MAGED1: variants seen among roughly 807,000 people sequenced by gnomAD.
The protein encoded by MAGED1 is melanoma-associated antigen D1.
A neutral mutation model predicts 54.1 loss-of-function variants in MAGED1; 3 were observed. The observed-to-expected ratio is 0.06, with a 90% CI of 0.03 to 0.14. The LOEUF (loss-of-function observed/expected upper bound fraction) is 0.14. MAGED1 is among the 10% of genes least tolerant of loss of function. The pLI, the probability that MAGED1 is intolerant of heterozygous loss-of-function variation, is 1.00. For synonymous variants in MAGED1, 217 were observed against 227.3 expected (o/e 0.95, Z 0.41); for missense variants, 485 against 623.4 (o/e 0.78, Z 2.36).
At chrX:51,850,876 G>C (rs1180164600) in intron 1 of MAGED1, among the ~76,000 whole-genome samples, 1 of 110,935 alleles carries the variant, frequency 9.0e-6, no homozygotes, top group African/African-American at 3.3e-5. Flanking sequence ...CTCCAGCCTG[G>C]GCGACAAGAG....
At position 51,896,646 on chromosome X, in the gene MAGED1, GCCTGGCAGAACCCAGTCGCTTGGCAGAAC is replaced by G; in HGVS notation, c.994_1022del (p.Trp332SerfsTer62). 1 of 1,212,247 alleles carries G rather than the reference GCCTGGCAGAACCCAGTCGCTTGGCAGAAC, an allele frequency of 8.2e-7. No individual in the cohort carries two copies. Among genetic ancestry groups the G allele is most frequent in the Non-Finnish European group, 1.1e-6 (1 of 895,612 alleles). On this transcript the variant is annotated frameshift_variant, in exon 4 of 13. Transcript: ENST00000326587. LOFTEE classifies it high-confidence loss of function. The stretch of plus-strand genomic sequence containing the variant: ...CCCTCCAGCTAGGCAGACCCCACCA[GCCTGGCAGAACCCAGTCGCTTGGCAGAAC>G]CCAGTGATTTGGCCAAACCCAGTAA...
chrX:51,881,121 C>T (rs1463589669), intron 1 of MAGED1, among the ~76,000 whole-genome samples: 1 of 111,411 alleles, frequency 9.0e-6, no homozygotes, highest in Admixed American at 9.5e-5. Flanking sequence ...TTGCAGATAG[C>T]CATCTTCTCG....
At chrX:51,811,532 A>T (rs1925219490) in intron 1 of MAGED1, among the ~76,000 whole-genome samples, 1 of 111,433 alleles carries the variant, frequency 9.0e-6, no homozygotes, top group Non-Finnish European at 1.9e-5. Flanking sequence ...ACCACATCTC[A>T]TATGTGGCCA....
At chrX:51,900,128 T>C in intron 10 of MAGED1, 54 bp from the exon 11 acceptor site, 2 of 747,775 alleles carry the variant, frequency 2.7e-6, no homozygotes, top group South Asian at 2.2e-5. Flanking sequence ...TTTTCATTAG[T>C]GGACTACCAT....
intron 1 of MAGED1, among the ~76,000 whole-genome samples, chrX:51,864,673 C>A (rs1033935539): frequency 5.4e-5 from 6 of 111,102 alleles, no homozygotes; most frequent in African/African-American, 2.0e-4. Context: ...CTTTTACCTC[C>A]TTGGTTAAAT....
At chrX:51,859,391 G>A (rs1488722529) in intron 1 of MAGED1, among the ~76,000 whole-genome samples, 1 of 110,948 alleles carries the variant, frequency 9.0e-6, no homozygotes, top group African/African-American at 3.3e-5. Context: ...TGGCTTATAT[G>A]GTACCTTTGT....
chrX:51,836,309 A>G (rs1926247258), intron 1 of MAGED1, among the ~76,000 whole-genome samples: 1 of 109,992 alleles, frequency 9.1e-6, no homozygotes. Flanking sequence ...ATATTTTTAT[A>G]TAACTAAAAA....
chrX:51,821,897 A>T (rs1205065912), intron 1 of MAGED1, among the ~76,000 whole-genome samples: 1 of 111,765 alleles, frequency 8.9e-6, no homozygotes, highest in Non-Finnish European at 1.9e-5. Context: ...ACTGCTTTTC[A>T]TATATTTATC....
rs782610141 is a variant in MAGED1 at position 51,858,722 on chromosome X, A to G, written c.-36-35547A>G. 1.5e-4 allele frequency among the ~76,000 whole-genome samples: 17 copies of G among 111,323 alleles called. No individual in the cohort carries two copies. The East Asian group carries it at 4.6e-3, about 30-fold the overall frequency. ...GATGTGGTGAGAGCTTCAGGAACAG[A>G]GTCAGGTCATTCTAGGAATTATAAC... On this transcript the variant is annotated intron_variant, in intron 1 of 12. Coordinates refer to the MAGED1 transcript ENST00000375772.
At chrX:51,828,122 T>C (rs1298629793) in intron 1 of MAGED1, among the ~76,000 whole-genome samples, 1 of 112,101 alleles carries the variant, frequency 8.9e-6, no homozygotes, top group Admixed American at 9.4e-5. Flanking sequence ...ATCTCTCTCT[T>C]TGCATATCAT....
At chrX:51,858,047 A>T (rs782128409) in intron 1 of MAGED1, 1 of 112,651 alleles carries the variant, frequency 8.9e-6, no homozygotes, top group South Asian at 3.7e-4. Flanking sequence ...GTAAAAATGA[A>T]AAAAAGATTC....
chrX:51,870,629 G>A (rs1458946468), intron 1 of MAGED1: 1 of 112,328 alleles, frequency 8.9e-6, no homozygotes, highest in Non-Finnish European at 1.9e-5. Context: ...TTGATATGTA[G>A]AAGGGTAATA....
intron 1 of MAGED1, among the ~76,000 whole-genome samples, chrX:51,864,272 C>A (rs150309540): frequency 2.2e-3 from 243 of 109,445 alleles, no homozygotes; most frequent in African/African-American, 7.7e-3. Context: ...TTTCCAACAC[C>A]ATTTGTTGAA....
intron 10 of MAGED1, chrX:51,899,396 C>T (rs1335222085): frequency 1.8e-5 from 2 of 110,904 alleles, no homozygotes; most frequent in African/African-American, 6.6e-5. Flanking sequence ...GCCTTGGCCT[C>T]CAGAAGTGCT....
intron 1 of MAGED1, among the ~76,000 whole-genome samples, chrX:51,804,553 A>C (rs1557354854): frequency 9.0e-6 from 1 of 111,642 alleles, no homozygotes; most frequent in Admixed American, 9.6e-5. Flanking sequence ...TTTATTTGCC[A>C]GACAGTGTTC....
chrX:51,827,100 C>T (rs781964839), intron 1 of MAGED1, among the ~76,000 whole-genome samples: 10 of 111,176 alleles, frequency 9.0e-5, no homozygotes, highest in Non-Finnish European at 1.3e-4. Context: ...ATCATATGTG[C>T]ATATTACTGA....
chrX:51,900,590 G>GT (rs200452933), intron 11 of MAGED1, among the ~76,000 whole-genome samples: 6,801 of 110,634 alleles, frequency 0.061, 497 homozygotes, highest in African/African-American at 0.21. Flanking sequence ...TATATTTGTG[G>GT]TGTACAATGT....
At chrX:51,833,720 A>G (rs1214950740) in intron 1 of MAGED1, among the ~76,000 whole-genome samples, 1 of 112,343 alleles carries the variant, frequency 8.9e-6, no homozygotes, top group Non-Finnish European at 1.9e-5. Context: ...TTAACTAGGG[A>G]CAGTATATGT....
intron 1 of MAGED1, among the ~76,000 whole-genome samples, chrX:51,858,719 CAG>C (rs1204038761): frequency 9.0e-6 from 1 of 110,961 alleles, no homozygotes; most frequent in Non-Finnish European, 1.9e-5. Context: ...GCTTCAGGAA[CAG>C]AGTCAGGTCA....
Sources: allele counts gnomAD v4.1 joint callset (sites outside exome capture counted in the v4.1 genomes callset), GRCh38; gene constraint gnomAD v4.1.1; transcripts MANE v1.5; gene names NCBI Gene and HGNC (gene_info 2026-07-23, HGNC 2026-07-21).